The following ZPLD1 variants were observed in gnomAD, a reference collection of about 807,000 sequenced individuals.
ZPLD1 encodes the protein zona pellucida like domain containing 1.
A neutral mutation model predicts 47.2 loss-of-function variants in ZPLD1; 34 were observed. That is an observed-to-expected ratio of 0.72 (90% CI 0.55 to 0.96). ZPLD1 has a LOEUF of 0.96. Among genes scored for constraint, ZPLD1 ranks in the 40% least tolerant of loss-of-function variants. The pLI, the probability that ZPLD1 is intolerant of heterozygous loss-of-function variation, is 0.00. For missense variants in ZPLD1, 512 were observed against 505.8 expected, an observed-to-expected ratio of 1.01 and a Z score of -0.12; for synonymous variants, 176 against 186.2, an observed-to-expected ratio of 0.95 and a Z score of 0.45.
chr3:102,395,588 A>G lies in ZPLD1; in HGVS notation c.-157+3363A>G, dbSNP rs368474492. ...TTGCTGACACCTTGATTTTAGCCCC[A>G]TAAGATCAATTTGGGCTTCTGAACT... On this transcript the variant is annotated intron_variant, in intron 7 of 17. Coordinates refer to the ZPLD1 transcript ENST00000491959. 3.2e-4 allele frequency among the ~76,000 whole-genome samples: 49 copies of G among 152,318 alleles called. 1 individual carries two copies. In the East Asian group the frequency reaches 4.3e-3, roughly 13 times the overall value.
chr3:102,438,681 G>A (rs1475654926), intron 3 of ZPLD1, 88 bp downstream of exon 3: 12 of 938,658 alleles, frequency 1.3e-5, no homozygotes, highest in East Asian at 2.6e-5. Flanking sequence ...TATGGAGAAC[G>A]GGGGGCTATC....
intron 6 of ZPLD1, among the ~76,000 whole-genome samples, chr3:102,461,934 A>C (rs1707512408): frequency 6.6e-6 from 1 of 152,070 alleles, no homozygotes; most frequent in African/African-American, 2.4e-5. Context: ...TAATCAAATA[A>C]ATGGAACATT....
intron 8 of ZPLD1, among the ~76,000 whole-genome samples, chr3:102,421,897 G>A (rs1269405715): frequency 1.3e-5 from 2 of 151,126 alleles, no homozygotes; most frequent in Non-Finnish European, 2.9e-5. Flanking sequence ...TCAATTTCTA[G>A]ACCCCCAAGT....
intron 6 of ZPLD1, among the ~76,000 whole-genome samples, chr3:102,391,120 T>C (rs1706490478): frequency 6.6e-6 from 1 of 152,208 alleles, no homozygotes; most frequent in Non-Finnish European, 1.5e-5. Context: ...GCCGACCTCC[T>C]GCCAGTTTCT....
In ZPLD1 at chr3:102,462,398, T is replaced by C; in HGVS notation, c.680+20T>C. On this transcript the variant is annotated intron_variant, in intron 7 of 11. Transcript: ENST00000466937. The stretch of plus-strand genomic sequence containing the variant: ...TGGCAGGTAATTTCAAACTCTTGTC[T>C]TTTTTAGGTTAAAACTCTTTGACTG... 6.5e-7 allele frequency: 1 copy of C among 1,548,778 alleles called. No individual in the cohort carries two copies.
intron 5 of ZPLD1, among the ~76,000 whole-genome samples, chr3:102,457,118 A>G (rs1329110883): frequency 2.6e-5 from 4 of 152,220 alleles, no homozygotes; most frequent in Admixed American, 2.0e-4. Flanking sequence ...ATTAAGTCTT[A>G]GTTATTGCTT....
intron 7 of ZPLD1, among the ~76,000 whole-genome samples, chr3:102,400,170 T>C (rs1341529976): frequency 2.0e-5 from 3 of 152,054 alleles, no homozygotes; most frequent in Non-Finnish European, 4.4e-5. Context: ...TTAGTCCTTT[T>C]AGTCCAAGCT....
In ZPLD1 at chr3:102,453,076, T is replaced by C; in HGVS notation, c.264T>C (p.Phe88=). Residue 88 remains phenylalanine (F), a synonymous_variant, in exon 4 of 12, where the codon TTT becomes TTC. Transcript: ENST00000466937. ...HCRGFINNNT[F]PAVVIFIINL... ...GAGGGTTCATCAATAACAACACCTT[T>C]CCAGCAGTGGTCATTTTTATCATCA... 2.5e-6 allele frequency: 4 copies of C among 1,614,064 alleles called. No homozygotes were observed. The highest frequency in any genetic ancestry group is 3.4e-6 in the Non-Finnish European group (4 of 1,179,988).
intron 8 of ZPLD1, among the ~76,000 whole-genome samples, chr3:102,465,865 A>G (rs1420006486): frequency 6.6e-6 from 1 of 151,802 alleles, no homozygotes; most frequent in African/African-American, 2.4e-5. Context: ...AAAGCAGTGT[A>G]GAAGAGGTGG....
rs1433291976 is a variant in ZPLD1 at position 102,479,537 on chromosome 3, T to A, written c.*1919T>A. ...TTTATAGAATTGAATAATGGACACATGTCACTTGGGAAGCAACGTAAGTAT... is the reference window on the plus strand; with the variant it reads ...TTTATAGAATTGAATAATGGACACAAGTCACTTGGGAAGCAACGTAAGTAT... On this transcript the variant is annotated 3_prime_UTR_variant, in exon 12 of 12. Coordinates refer to ENST00000466937, the MANE Select transcript of ZPLD1 (RefSeq NM_001329788.2). 6.6e-6 allele frequency: 1 copy of A among 152,200 alleles called. No individual in the cohort carries two copies. The highest frequency in any genetic ancestry group is 6.5e-5 in the Admixed American group (1 of 15,284). 9.4% of individuals were successfully genotyped at this position (152,200 alleles called of 1,614,324 possible).
At chr3:102,426,088 C>T (rs1706942408) in intron 8 of ZPLD1, among the ~76,000 whole-genome samples, 1 of 150,916 alleles carries the variant, frequency 6.6e-6, no homozygotes, top group African/African-American at 2.4e-5. Flanking sequence ...TTAGTATAAT[C>T]TTTAACATTT....
At chr3:102,462,709 T>C (rs1386455420) in intron 7 of ZPLD1, among the ~76,000 whole-genome samples, 1 of 152,080 alleles carries the variant, frequency 6.6e-6, no homozygotes, top group East Asian at 1.9e-4. Flanking sequence ...GAACACTTGA[T>C]TTGCTTGCTT....
intron 3 of ZPLD1, among the ~76,000 whole-genome samples, chr3:102,447,331 T>G (rs1052916838): frequency 1.3e-5 from 2 of 152,204 alleles, no homozygotes; most frequent in African/African-American, 4.8e-5. Context: ...TCCTAAGTGC[T>G]GGGATTACAA....
At chr3:102,474,744 T>C (rs1349608761) in intron 10 of ZPLD1, among the ~76,000 whole-genome samples, 3 of 152,214 alleles carry the variant, frequency 2.0e-5, no homozygotes, top group Non-Finnish European at 4.4e-5. Context: ...TTCAAATGGC[T>C]GTGGCATTGC....
intron 3 of ZPLD1, among the ~76,000 whole-genome samples, chr3:102,442,885 A>T (rs1475211794): frequency 2.6e-5 from 4 of 152,216 alleles, no homozygotes; most frequent in African/African-American, 4.8e-5. Context: ...ACTCTTGGTT[A>T]TCCAAGCTAA....
chr3:102,449,920 CA>C (rs1367192995), intron 3 of ZPLD1, among the ~76,000 whole-genome samples: 1 of 152,116 alleles, frequency 6.6e-6, no homozygotes, highest in East Asian at 1.9e-4. Context: ...TCTGTTGCTC[CA>C]GTACCTTATA....
rs769522281 is a variant in ZPLD1 at position 102,477,423 on chromosome 3, G to T, written c.1073-20G>T. On this transcript the variant is annotated intron_variant, in intron 11 of 11. Coordinates refer to ENST00000466937, the MANE Select transcript of ZPLD1 (RefSeq NM_001329788.2). ...TATTATATGGGGCCTTTACAACCGGGTGTGTTTTATTATTTGCAGGTTCTC... is the reference window on the plus strand; with the variant it reads ...TATTATATGGGGCCTTTACAACCGGTTGTGTTTTATTATTTGCAGGTTCTC... The T allele has an allele frequency of 6.2e-7, 1 of 1,604,228 alleles. No individual in the cohort carries two copies.
At chr3:102,441,432 T>C (rs1189703492) in intron 3 of ZPLD1, among the ~76,000 whole-genome samples, 10 of 152,164 alleles carry the variant, frequency 6.6e-5, no homozygotes, top group South Asian at 4.1e-4. Flanking sequence ...CTTGGGAATC[T>C]GTATCTTAAA....
At chr3:102,427,160 T>C (rs972195561) in intron 8 of ZPLD1, among the ~76,000 whole-genome samples, 2 of 152,188 alleles carry the variant, frequency 1.3e-5, no homozygotes, top group African/African-American at 4.8e-5. Flanking sequence ...CAGCCTATTT[T>C]ATTTCGTGAT....
Sources: allele counts gnomAD v4.1 joint callset (sites outside exome capture counted in the v4.1 genomes callset), GRCh38; gene constraint gnomAD v4.1.1; transcripts MANE v1.5; gene names NCBI Gene and HGNC (gene_info 2026-07-23, HGNC 2026-07-21).